ANKRD11: variants seen among roughly 807,000 people sequenced by gnomAD.
ANKRD11 encodes the protein ankyrin repeat domain 11.
Under a neutral mutation model 195.7 loss-of-function variants are expected in ANKRD11, and 17 were observed. The ratio of observed to expected loss-of-function variants is 0.09; its 90% CI spans 0.06 to 0.13. ANKRD11 has a LOEUF of 0.13. Ranked by LOEUF, ANKRD11 falls within the 10% of genes least tolerant of loss-of-function variation. ANKRD11 has a pLI of 1.00. For synonymous variants in ANKRD11, 1,953 were observed against 1,528.1 expected, an observed-to-expected ratio of 1.28 and a Z score of -6.49; for missense variants, 3,735 against 3,566.1, an observed-to-expected ratio of 1.05 and a Z score of -1.21.
chr16:89,286,373 G>T, intron 7 of ANKRD11, 187 bp from the exon 8 acceptor site: 1 of 837,898 alleles, frequency 1.2e-6, no homozygotes, highest in Non-Finnish European at 1.9e-6. Flanking sequence ...GGTGGGCGAG[G>T]CTGTGGCTCC....
chr16:89,476,896 GCGTAACACACAACACACGTTTATACA>G (rs2057277500), intron 1 of ANKRD11, among the ~76,000 whole-genome samples: 1 of 152,096 alleles, frequency 6.6e-6, no homozygotes, highest in Non-Finnish European at 1.5e-5. Context: ...TCACAGTATC[GCGTAACACACAACACACGTTTATACA>G]CGGGCACAGA....
chr16:89,423,394 T>C (rs1240081332), intron 1 of ANKRD11, among the ~76,000 whole-genome samples: 1 of 152,250 alleles, frequency 6.6e-6, no homozygotes, highest in Non-Finnish European at 1.5e-5. Flanking sequence ...GCCAGGTCTG[T>C]CTTTTCCCTG....
chr16:89,314,657 T>C (rs757512324), intron 3 of ANKRD11, among the ~76,000 whole-genome samples: 1 of 152,028 alleles, frequency 6.6e-6, no homozygotes, highest in Non-Finnish European at 1.5e-5. Flanking sequence ...ACCTCCTCAA[T>C]AAGCATATCT....
At chr16:89,418,985 G>C (rs1455333238) in intron 1 of ANKRD11, among the ~76,000 whole-genome samples, 1 of 152,112 alleles carries the variant, frequency 6.6e-6, no homozygotes, top group East Asian at 1.9e-4. Flanking sequence ...GCCTTCCAAA[G>C]TGTTAGGATT....
At chr16:89,268,804 GCTCCTGGCATCTAGTTACTA>G (rs2032864036) in intron 12 of ANKRD11, 141 bp from the exon 13 acceptor site, 1 of 946,986 alleles carries the variant, frequency 1.1e-6, no homozygotes, top group African/African-American at 1.6e-5. Context: ...AGCTGTACCC[GCTCCTGGCATCTAGTTACTA>G]CACGTGGCGG....
intron 2 of ANKRD11, among the ~76,000 whole-genome samples, chr16:89,375,417 G>C (rs1438233661): frequency 6.6e-6 from 1 of 152,056 alleles, no homozygotes; most frequent in Non-Finnish European, 1.5e-5. Flanking sequence ...TCATGCCTGT[G>C]ACAAGCCGCT....
intron 1 of ANKRD11, among the ~76,000 whole-genome samples, chr16:89,433,961 G>A (rs1230506912): frequency 6.6e-6 from 1 of 152,174 alleles, no homozygotes; most frequent in Non-Finnish European, 1.5e-5. Context: ...AGGGAGAAGG[G>A]GACATGGACA....
intron 3 of ANKRD11, among the ~76,000 whole-genome samples, chr16:89,311,263 A>C (rs1466200413): frequency 6.6e-6 from 1 of 152,182 alleles, no homozygotes; most frequent in East Asian, 1.9e-4. Flanking sequence ...TATTCATTTT[A>C]TTTTATAAGC....
intron 2 of ANKRD11, among the ~76,000 whole-genome samples, chr16:89,349,363 C>A (rs192111678): frequency 2.0e-4 from 30 of 151,770 alleles, no homozygotes; most frequent in African/African-American, 7.3e-4. Flanking sequence ...GCCTGTAGTC[C>A]CAGCTACTTG....
At position 89,291,196 on chromosome 16, in the gene ANKRD11, C is replaced by T. The variant is rs747829775; in HGVS notation, c.227-13G>A. The T allele has an allele frequency of 1.9e-5, 30 of 1,612,522 alleles. No individual in the cohort carries two copies. The highest frequency in any genetic ancestry group is 4.4e-5 in the South Asian group (4 of 91,078). ...GGGCCCTGCTTCTCTGTGAGGCGGG[C>T]GAGGGAGAGAGGGAGGAGAGATTTC... On this transcript the variant is annotated splice_polypyrimidine_tract_variant and intron_variant, in intron 4 of 12. Transcript: ENST00000301030. The surrounding 1 kb of genome is among the most constrained non-coding windows in gnomAD (Gnocchi z 5.3).
At chr16:89,391,332 G>A (rs751652317) in intron 2 of ANKRD11, among the ~76,000 whole-genome samples, 8 of 152,076 alleles carry the variant, frequency 5.3e-5, no homozygotes, top group African/African-American at 9.7e-5. Context: ...CAGGGCTTGC[G>A]GTGGGTGCTG....
intron 12 of ANKRD11, 143 bp downstream of exon 12, chr16:89,270,674 A>G: frequency 2.4e-6 from 2 of 825,068 alleles, no homozygotes; most frequent in Non-Finnish European, 4.0e-6. Context: ...CGGCCAGATT[A>G]AGAGAATCTG....
At chr16:89,364,931 C>T (rs2039884192) in intron 2 of ANKRD11, among the ~76,000 whole-genome samples, 1 of 152,222 alleles carries the variant, frequency 6.6e-6, no homozygotes, top group Admixed American at 6.5e-5. Context: ...GAGATCATTT[C>T]TTACAAAGCC....
chr16:89,363,159 C>T (rs1751040269), intron 2 of ANKRD11, among the ~76,000 whole-genome samples: 1 of 152,086 alleles, frequency 6.6e-6, no homozygotes, highest in Non-Finnish European at 1.5e-5. Flanking sequence ...TGGGAACACG[C>T]CTATCCCTGT....
At chr16:89,373,056 C>G (rs1348311657) in intron 2 of ANKRD11, 7 of 152,400 alleles carry the variant, frequency 4.6e-5, no homozygotes, top group African/African-American at 1.7e-4. Flanking sequence ...GTTCCTCTGT[C>G]CCCATTGTCG....
In ANKRD11 at chr16:89,284,406, A is replaced by T; in HGVS notation, c.2136T>A (p.Phe712Leu). 5 of 1,613,676 alleles carry T rather than the reference A, an allele frequency of 3.1e-6. No homozygotes were observed. The highest frequency in any genetic ancestry group is 1.7e-5 in the Admixed American group (1 of 59,986). The change falls in exon 9 of 13, where the codon TTT becomes TTA. Residue 712 changes from phenylalanine (F) to leucine (L), a missense_variant. By Grantham distance (22) the Phe-to-Leu change is conservative. Coordinates refer to ENST00000301030, the MANE Select transcript of ANKRD11 (RefSeq NM_013275.6). Reference sequence around the variant, plus strand: ...TTCTCTTCAGTGATTTTTCATCTTTAAAGAGCCATTCTTTTTCTTCTAATT... The same window carrying T: ...TTCTCTTCAGTGATTTTTCATCTTTTAAGAGCCATTCTTTTTCTTCTAATT... ...KMKLEEKEWL[F>L]KDEKSLKRIK... is the part of the protein sequence containing the mutation.
chr16:89,391,397 C>T (rs958858522), intron 2 of ANKRD11, among the ~76,000 whole-genome samples: 9 of 152,210 alleles, frequency 5.9e-5, no homozygotes, highest in African/African-American at 1.4e-4. Flanking sequence ...CCCGTGCCGT[C>T]TCCAGGTAGA....
At chr16:89,406,369 C>T (rs565085562) in intron 2 of ANKRD11, among the ~76,000 whole-genome samples, 83 of 152,162 alleles carry the variant, frequency 5.5e-4, no homozygotes, top group Non-Finnish European at 1.0e-3. Flanking sequence ...GCCTCGGCCA[C>T]ACTCCTGAGG....
intron 2 of ANKRD11, among the ~76,000 whole-genome samples, chr16:89,390,955 G>A (rs1391987483): frequency 5.3e-5 from 8 of 152,282 alleles, no homozygotes; most frequent in East Asian, 1.9e-4. Flanking sequence ...CAGGCTGGGC[G>A]CCATGGCTCA....
Sources: allele counts gnomAD v4.1 joint callset (sites outside exome capture counted in the v4.1 genomes callset), GRCh38; gene constraint gnomAD v4.1.1; non-coding constraint Gnocchi (gnomAD v3.1); transcripts MANE v1.5; gene names NCBI Gene and HGNC (gene_info 2026-07-23, HGNC 2026-07-21).